SIK3: variants seen among roughly 807,000 people sequenced by gnomAD.
SIK3 encodes the protein SIK family kinase 3.
A neutral mutation model predicts 144.2 loss-of-function variants in SIK3; 28 were observed. That is an observed-to-expected ratio of 0.19 (90% CI 0.14 to 0.27). SIK3 has a LOEUF of 0.27. Ranked by LOEUF, SIK3 falls within the 10% of genes least tolerant of loss-of-function variation. SIK3 has a pLI of 1.00. For synonymous variants in SIK3, 686 were observed against 676.3 expected, an observed-to-expected ratio of 1.01 and a Z score of -0.22; for missense variants, 1,319 against 1,776.0, an observed-to-expected ratio of 0.74 and a Z score of 4.62.
At chr11:117,041,158 A>G (rs868203044) in intron 1 of SIK3, among the ~76,000 whole-genome samples, 2 of 152,194 alleles carry the variant, frequency 1.3e-5, no homozygotes, top group Middle Eastern at 3.2e-3. Flanking sequence ...CCAGAATATC[A>G]TATTTTAAAA....
intron 4 of SIK3, among the ~76,000 whole-genome samples, chr11:116,900,568 T>G (rs1945679554): frequency 6.6e-6 from 1 of 152,216 alleles, no homozygotes; most frequent in South Asian, 2.1e-4. Context: ...AGCTCCATCC[T>G]ATGTTTCCAA....
intron 1 of SIK3, among the ~76,000 whole-genome samples, chr11:117,081,685 G>C (rs1954796717): frequency 6.6e-6 from 1 of 152,174 alleles, no homozygotes; most frequent in South Asian, 2.1e-4. Flanking sequence ...CCGGGAAAGA[G>C]AGAGCTATAT....
rs540435409 is a variant in SIK3, at chr11:116,926,235, C to A, written c.616+984G>T. Among the ~76,000 whole-genome samples the A allele has an allele frequency of 2.0e-4, 31 of 152,270 alleles. No homozygotes were observed. In the South Asian group the frequency reaches 6.2e-3, roughly 31 times the overall value. ...TCTGGGAGACCGGGGATACACGATG[C>A]TATACCGGAAAGTGTCGGCAAACAT... On this transcript the variant is annotated intron_variant, in intron 4 of 24. Transcript: ENST00000445177.
In SIK3 at chr11:116,930,074, G is replaced by A. The variant is rs115938026; in HGVS notation, c.455-2694C>T. Among the ~76,000 whole-genome samples, 847 of 151,770 alleles carry A rather than the reference G, an allele frequency of 5.6e-3. 9 individuals carry two copies. Among genetic ancestry groups the A allele is most frequent in the African/African-American group, 0.019 (796 of 41,380 alleles). ...TCCCCTGGACTCTAAATACACTTACGGAACAAATCACTTTTTTTTTTTAAA... is the reference window on the plus strand; with the variant it reads ...TCCCCTGGACTCTAAATACACTTACAGAACAAATCACTTTTTTTTTTTAAA... On this transcript the variant is annotated intron_variant, in intron 3 of 24. Transcript: ENST00000445177.
chr11:116,959,237 G>C (rs533078320), intron 1 of SIK3, among the ~76,000 whole-genome samples: 1 of 152,254 alleles, frequency 6.6e-6, no homozygotes, highest in South Asian at 2.1e-4. Context: ...AGGAGGCTGA[G>C]GTGGAAGGAC....
rs1203782636 is a variant in SIK3 at position 116,846,578 on chromosome 11, A to C, written c.3953-25T>G. 6.2e-7 allele frequency: 1 copy of C among 1,613,646 alleles called. No homozygotes were observed. The highest frequency in any genetic ancestry group is 1.1e-5 in the South Asian group (1 of 91,052). ...TCTGCAAGACCAAAAAGAACGTATG[A>C]GGTTGGCAGGGAACTGGGGGACTAG... On this transcript the variant is annotated intron_variant, in intron 23 of 24. Transcript: ENST00000445177. The surrounding 1 kb of genome is among the most constrained non-coding windows in gnomAD (Gnocchi z 4.1).
chr11:117,019,815 G>A (rs1029093218), intron 1 of SIK3, among the ~76,000 whole-genome samples: 5 of 151,752 alleles, frequency 3.3e-5, no homozygotes, highest in African/African-American at 4.8e-5. Flanking sequence ...GGATTTCACC[G>A]TGAATCCAGG....
At chr11:116,960,764 AC>A (rs1949314903) in intron 1 of SIK3, among the ~76,000 whole-genome samples, 1 of 152,036 alleles carries the variant, frequency 6.6e-6, no homozygotes, top group African/African-American at 2.4e-5. Context: ...AATACATGCA[AC>A]CTGATTAATA....
intron 1 of SIK3, among the ~76,000 whole-genome samples, chr11:117,011,215 C>CT (rs1031805133): frequency 2.6e-5 from 4 of 151,726 alleles, no homozygotes; most frequent in South Asian, 2.1e-4. Flanking sequence ...CTCCACACTC[C>CT]TTTTTTTTTC....
chr11:117,025,474 CT>C (rs1274734517), intron 1 of SIK3, among the ~76,000 whole-genome samples: 2 of 151,598 alleles, frequency 1.3e-5, no homozygotes, highest in Admixed American at 6.6e-5. Context: ...GAGACAAGAT[CT>C]CGTTCTGTCA....
chr11:116,897,078 A>G, intron 5 of SIK3, 115 bp downstream of exon 5: 1 of 1,079,178 alleles, frequency 9.3e-7, no homozygotes, highest in Non-Finnish European at 1.3e-6. Context: ...TTGAAAGAAC[A>G]GGTGACCAGG....
chr11:116,964,432 T>G (rs1949451895), intron 1 of SIK3, among the ~76,000 whole-genome samples: 1 of 152,130 alleles, frequency 6.6e-6, no homozygotes, highest in African/African-American at 2.4e-5. Flanking sequence ...ATCACAACTG[T>G]TTCTGGGAAA....
At chr11:116,912,949 T>TATTAAAATG (rs1454272525) in intron 4 of SIK3, among the ~76,000 whole-genome samples, 1 of 152,230 alleles carries the variant, frequency 6.6e-6, no homozygotes, top group Non-Finnish European at 1.5e-5. Context: ...AATGTTCTCC[T>TATTAAAATG]GACTATTAAA....
intron 6 of SIK3, among the ~76,000 whole-genome samples, chr11:116,889,543 G>A (rs1465753972): frequency 6.6e-6 from 1 of 152,110 alleles, no homozygotes; most frequent in Non-Finnish European, 1.5e-5. Context: ...CTCTAGCTTA[G>A]GTGACAGAGC....
intron 4 of SIK3, among the ~76,000 whole-genome samples, chr11:116,904,360 C>T (rs115411797): frequency 4.7e-4 from 71 of 152,250 alleles, no homozygotes; most frequent in African/African-American, 1.6e-3. Flanking sequence ...TTTGTAGGGG[C>T]ATATGGCAAG....
intron 4 of SIK3, among the ~76,000 whole-genome samples, chr11:116,909,940 A>G (rs1946251228): frequency 6.6e-6 from 1 of 152,228 alleles, no homozygotes. Context: ...AAAAACTGTA[A>G]TCTAGGAAGA....
At chr11:116,999,088 C>T (rs759389488) in intron 1 of SIK3, among the ~76,000 whole-genome samples, 8 of 152,164 alleles carry the variant, frequency 5.3e-5, no homozygotes, top group Admixed American at 1.3e-4. Context: ...TTAGTTTTTA[C>T]TTCAGAAGAT....
chr11:116,979,333 A>T (rs1311128165), intron 1 of SIK3, among the ~76,000 whole-genome samples: 2 of 151,212 alleles, frequency 1.3e-5, no homozygotes, highest in Non-Finnish European at 3.0e-5. Context: ...TGACTTTCCT[A>T]TTTCCATTTT....
chr11:116,938,569 AGGGGAGGGGAGGG>A (rs1948091549), intron 3 of SIK3, among the ~76,000 whole-genome samples: 3 of 44,764 alleles, frequency 6.7e-5, no homozygotes, highest in Non-Finnish European at 1.1e-4. Flanking sequence ...AGGGGAGGGG[AGGGGAGGGGAGGG>A]GAGGAGAGGA....
Sources: gnomAD v4.1 joint callset for allele counts (sites outside exome capture counted in the v4.1 genomes callset) on GRCh38, gnomAD v4.1.1 for gene constraint, Gnocchi (gnomAD v3.1) non-coding constraint, MANE v1.5 for transcripts, NCBI Gene and HGNC (gene_info 2026-07-23, HGNC 2026-07-21) for gene names.